Variants in ASB18 observed in about 807,000 individuals in gnomAD.
The protein encoded by ASB18 is ankyrin repeat and SOCS box protein 18.
ASB18 carries 33 observed loss-of-function variants against 33.4 expected under a neutral mutation model. The observed-to-expected ratio is 0.99, with a 90% CI of 0.75 to 1.32. The LOEUF is 1.32. ASB18 is among the 40% of genes most tolerant of loss of function. The pLI, the probability that ASB18 is intolerant of heterozygous loss-of-function variation, is 0.00. For missense variants in ASB18, 694 were observed against 655.5 expected, an observed-to-expected ratio of 1.06 and a Z score of -0.64; for synonymous variants, 295 against 307.6, an observed-to-expected ratio of 0.96 and a Z score of 0.43.
At position 236,218,819 on chromosome 2, in the gene ASB18, AAAAG is replaced by A. The variant is rs1286646800; in HGVS notation, c.597-3957_597-3954del. Among the ~76,000 whole-genome samples, 19 of 151,550 alleles carry A rather than the reference AAAAG, an allele frequency of 1.3e-4. No homozygotes were observed. In the East Asian group the frequency reaches 3.3e-3, roughly 26 times the overall value. On this transcript the variant is annotated intron_variant, in intron 3 of 5. Transcript: ENST00000409749. Reference sequence around the variant, plus strand: ...TCTCAAAAAAAAAAAAAAAAAAAGAAAAAGAAACCAGAAATTTTTCATTTTATTT... The same window carrying A: ...TCTCAAAAAAAAAAAAAAAAAAAGAAAAACCAGAAATTTTTCATTTTATTT...
chr2:236,258,121 T>C (rs2060700934), intron 1 of ASB18, among the ~76,000 whole-genome samples: 1 of 152,214 alleles, frequency 6.6e-6, no homozygotes, highest in South Asian at 2.1e-4. Flanking sequence ...ACCTTCCAGC[T>C]GGTATCCTCG....
rs962233425 is a variant in ASB18, at chr2:236,257,670, C to G, written c.205+6471G>C. ...TCTGGGTGGGTAGGCAGCAAGAGCC[C>G]CTGACTACAAGTCAGGAAGCATACC... On this transcript the variant is annotated intron_variant, in intron 1 of 5. Coordinates refer to ENST00000409749, the MANE Select transcript of ASB18 (RefSeq NM_212556.4). The surrounding 1 kb of genome is among the most constrained non-coding windows in gnomAD (Gnocchi z 5.5). Among the ~76,000 whole-genome samples, 2 of 152,148 alleles carry G rather than the reference C, an allele frequency of 1.3e-5. No individual in the cohort carries two copies. The highest frequency in any genetic ancestry group is 4.8e-5 in the African/African-American group (2 of 41,436).
intron 4 of ASB18, among the ~76,000 whole-genome samples, chr2:236,198,020 C>T (rs1559325804): frequency 6.6e-6 from 1 of 152,192 alleles, no homozygotes; most frequent in Non-Finnish European, 1.5e-5. Flanking sequence ...ACCTGAACCA[C>T]TACCGGGGCC....
chr2:236,212,714 T>A (rs1171519998), intron 4 of ASB18, among the ~76,000 whole-genome samples: 9 of 152,206 alleles, frequency 5.9e-5, no homozygotes, highest in African/African-American at 1.9e-4. Flanking sequence ...AGCCTCCACA[T>A]CCTGGGTTTA....
intron 1 of ASB18, among the ~76,000 whole-genome samples, chr2:236,261,049 A>G (rs981914453): frequency 6.6e-6 from 1 of 152,112 alleles, no homozygotes; most frequent in African/African-American, 2.4e-5. Flanking sequence ...CATCATAATC[A>G]CAGTTCCCTC....
rs2060710204 is a variant in ASB18, at chr2:236,259,862, A to C, written c.205+4279T>G. ...TTCCCCCAATGTCTGCTGGGGCTAAAATTTTCAGTTCCTTTGACTTCTGCC... is the reference window on the plus strand; with the variant it reads ...TTCCCCCAATGTCTGCTGGGGCTAACATTTTCAGTTCCTTTGACTTCTGCC... On this transcript the variant is annotated intron_variant, in intron 1 of 5. Transcript: ENST00000409749. The surrounding 1 kb of genome is among the most constrained non-coding windows in gnomAD (Gnocchi z 4.4). Among the ~76,000 whole-genome samples, 1 of 152,176 alleles carries C rather than the reference A, an allele frequency of 6.6e-6. No homozygotes were observed. Among genetic ancestry groups the C allele is most frequent in the Non-Finnish European group, 1.5e-5 (1 of 68,030 alleles).
Position 236,248,528 on chromosome 2 carries a change from G to A in ASB18, c.206-7126C>T, listed in dbSNP as rs1436858310. 1.3e-5 allele frequency: 2 copies of A among 152,016 alleles called. No homozygotes were observed. Among genetic ancestry groups the A allele is most frequent in the East Asian group, 1.9e-4 (1 of 5,176 alleles). 9.4% of individuals were successfully genotyped at this position (152,016 alleles called of 1,614,324 possible). A position where few individuals can be genotyped will look rare whatever the true frequency, so the allele number is the denominator to read the frequency against. On this transcript the variant is annotated intron_variant, in intron 1 of 5. Coordinates refer to ENST00000409749, the MANE Select transcript of ASB18 (RefSeq NM_212556.4). The surrounding 1 kb of genome is among the most constrained non-coding windows in gnomAD (Gnocchi z 4.9). ...GAATTGCTTGAACCTGGGAGGCAGA[G>A]GTTGTGGTGAGTTGAGATAATGCCA...
In ASB18 at chr2:236,237,699, C is replaced by T. The variant is rs757979546; in HGVS notation, c.586G>A (p.Ala196Thr). 6.9e-7 allele frequency: 1 copy of T among 1,452,212 alleles called. No individual in the cohort carries two copies. The highest frequency in any genetic ancestry group is 1.3e-5 in the South Asian group (1 of 75,304). The allele number at this position is 1,452,212 out of a possible 1,614,324, so 90.0% of individuals were successfully genotyped here. The change falls in exon 3 of 6, where the codon GCC (alanine) becomes ACC (threonine). Residue 196 changes from alanine to threonine, a missense_variant. Coordinates refer to ENST00000409749, the MANE Select transcript of ASB18 (RefSeq NM_212556.4). This position sits in a 1 kb window ranked among gnomAD's most constrained non-coding sequence, Gnocchi z 6.2. ...TCCCGAGGTCCTTACCCGAGCGAGGCGGCCGTGCGGCAGAGGTGCAGAGGC... is the reference window on the plus strand; with the variant it reads ...TCCCGAGGTCCTTACCCGAGCGAGGTGGCCGTGCGGCAGAGGTGCAGAGGC... ...LAPLHLCRTA[A>T]SLGCAQALLE...
At chr2:236,246,888 T>C (rs1197170703) in intron 1 of ASB18, among the ~76,000 whole-genome samples, 1 of 152,228 alleles carries the variant, frequency 6.6e-6, no homozygotes, top group Non-Finnish European at 1.5e-5. Flanking sequence ...GACTTACTCA[T>C]GCACAGCTAT....
At position 236,252,299 on chromosome 2, in the gene ASB18, A is replaced by ACACACACACC. The variant is rs139927606; in HGVS notation, c.206-10898_206-10897insGGTGTGTGTG. Among the ~76,000 whole-genome samples the ACACACACACC allele has an allele frequency of 7.0e-6, 1 of 143,428 alleles. No homozygotes were observed. The highest frequency in any genetic ancestry group is 1.5e-5 in the Non-Finnish European group (1 of 67,422). The allele number at this position is 143,428 out of a possible 152,430, so 94.1% of individuals were successfully genotyped here. On this transcript the variant is annotated intron_variant, in intron 1 of 5. Transcript: ENST00000409749. The surrounding 1 kb of genome is among the most constrained non-coding windows in gnomAD (Gnocchi z 7.9). The stretch of plus-strand genomic sequence containing the variant: ...CACACACACACACACACACACACAC[A>ACACACACACC]CACACACACAGTAGAAATCCTTGCC...
Position 236,248,685 on chromosome 2 carries a change from TC to T in ASB18, c.206-7284del, listed in dbSNP as rs1348796015. The T allele has an allele frequency of 6.6e-6, 1 of 152,166 alleles. No individual in the cohort carries two copies. Among genetic ancestry groups the T allele is most frequent in the East Asian group, 1.9e-4 (1 of 5,190 alleles). 9.4% of individuals were successfully genotyped at this position (152,166 alleles called of 1,614,324 possible). On this transcript the variant is annotated intron_variant, in intron 1 of 5. Coordinates refer to ENST00000409749, the MANE Select transcript of ASB18 (RefSeq NM_212556.4). The surrounding 1 kb of genome is among the most constrained non-coding windows in gnomAD (Gnocchi z 4.9). ...ATTGCTGTGAAAGGCAACCATGGAA[TC>T]CGTGACCCTTGCAATGTGGTGTGGA...
rs141158613 is a variant in ASB18, at chr2:236,221,604, C to G, written c.597-6738G>C. On this transcript the variant is annotated intron_variant, in intron 3 of 5. Coordinates refer to ENST00000409749, the MANE Select transcript of ASB18 (RefSeq NM_212556.4). The surrounding 1 kb of genome is among the most constrained non-coding windows in gnomAD (Gnocchi z 5.6). ...CTTCCACCTCCCCAGCCACATGGAA[C>G]AGTAAGTCCAATAAACCTCTTTCTT... Among the ~76,000 whole-genome samples the G allele has an allele frequency of 6.6e-6, 1 of 152,172 alleles. No homozygotes were observed. Among genetic ancestry groups the G allele is most frequent in the Non-Finnish European group, 1.5e-5 (1 of 68,032 alleles).
intron 3 of ASB18, among the ~76,000 whole-genome samples, chr2:236,218,797 C>CAAAAAA (rs574423455): frequency 2.0e-4 from 18 of 91,128 alleles, no homozygotes; most frequent in East Asian, 4.0e-4. Context: ...GACTCCATCT[C>CAAAAAA]AAAAAAAAAA....
intron 4 of ASB18, among the ~76,000 whole-genome samples, chr2:236,201,775 A>T (rs1271749129): frequency 6.6e-6 from 1 of 151,962 alleles, no homozygotes; most frequent in Admixed American, 6.6e-5. Context: ...CTCTGTTTTA[A>T]CACAATCTTC....
chr2:236,224,975 T>C (rs2060530621), intron 3 of ASB18, among the ~76,000 whole-genome samples: 1 of 152,176 alleles, frequency 6.6e-6, no homozygotes, highest in Non-Finnish European at 1.5e-5. Flanking sequence ...GAATGTATTG[T>C]TTTCTGGATT....
rs145895456 is a variant in ASB18 at position 236,231,856 on chromosome 2, G to C, written c.596+5833C>G. 9.2e-5 allele frequency among the ~76,000 whole-genome samples: 14 copies of C among 152,280 alleles called. No homozygotes were observed. In the East Asian group the frequency reaches 2.1e-3, roughly 23 times the overall value. ...CTAATAATAGAGCTTCAAATTACTT[G>C]AAACAAAAACTGACAGAACTGCAAA... On this transcript the variant is annotated intron_variant, in intron 3 of 5. Coordinates refer to ENST00000409749, the MANE Select transcript of ASB18 (RefSeq NM_212556.4). This position sits in a 1 kb window ranked among gnomAD's most constrained non-coding sequence, Gnocchi z 5.5.
intron 4 of ASB18, among the ~76,000 whole-genome samples, chr2:236,207,502 C>T (rs995044666): frequency 4.6e-5 from 7 of 152,182 alleles, no homozygotes; most frequent in African/African-American, 1.7e-4. Flanking sequence ...CTCTTTTCCC[C>T]CATGAATCTA....
At position 236,229,391 on chromosome 2, in the gene ASB18, G is replaced by A. The variant is rs1401683277; in HGVS notation, c.596+8298C>T. 4.7e-4 allele frequency among the ~76,000 whole-genome samples: 71 copies of A among 152,118 alleles called. No individual in the cohort carries two copies. Among genetic ancestry groups the A allele is most frequent in the Admixed American group, 4.5e-3 (68 of 15,270 alleles). ...TCAGTGAACTGTGGAACAATCTTAA[G>A]TGGCATAGTATATGTATAATTGGAG... is the stretch of plus-strand genomic sequence containing the variant. On this transcript the variant is annotated intron_variant, in intron 3 of 5. Transcript: ENST00000409749. This position sits in a 1 kb window ranked among gnomAD's most constrained non-coding sequence, Gnocchi z 5.2.
intron 4 of ASB18, among the ~76,000 whole-genome samples, chr2:236,199,411 CAA>C (rs368012989): frequency 8.8e-5 from 10 of 113,130 alleles, no homozygotes; most frequent in Non-Finnish European, 1.4e-4. Flanking sequence ...GACTCTGTTT[CAA>C]AAAAAAAAAA....
Sources: gnomAD v4.1 joint callset for allele counts (sites outside exome capture counted in the v4.1 genomes callset) on GRCh38, gnomAD v4.1.1 for gene constraint, Gnocchi (gnomAD v3.1) non-coding constraint, MANE v1.5 for transcripts, NCBI Gene and HGNC (gene_info 2026-07-23, HGNC 2026-07-21) for gene names.